The following CERS5 variants were observed in gnomAD, a reference collection of about 807,000 sequenced individuals.
The protein encoded by CERS5 is LAG1 homolog, ceramide synthase 5.
In CERS5, 37 loss-of-function variants were observed where a neutral mutation model predicts 58.9. The ratio of observed to expected loss-of-function variants is 0.63; its 90% CI spans 0.48 to 0.83. The LOEUF (loss-of-function observed/expected upper bound fraction) is 0.83, where lower values mean the gene tolerates loss of function less well. Ranked by LOEUF, CERS5 falls within the 40% of genes least tolerant of loss-of-function variation. The pLI is 0.00. For synonymous variants in CERS5, 147 were observed against 177.8 expected, an observed-to-expected ratio of 0.83 and a Z score of 1.38; for missense variants, 398 against 489.3, an observed-to-expected ratio of 0.81 and a Z score of 1.76.
chr12:50,163,108 A>G (rs1478263139), intron 1 of CERS5, among the ~76,000 whole-genome samples: 1 of 152,192 alleles, frequency 6.6e-6, no homozygotes, highest in African/African-American at 2.4e-5. Flanking sequence ...TATGCTGCCC[A>G]GGCTGATCTC....
At chr12:50,148,762 G>A (rs779587902) in intron 1 of CERS5, among the ~76,000 whole-genome samples, 16 of 151,150 alleles carry the variant, frequency 1.1e-4, no homozygotes, top group Non-Finnish European at 1.9e-4. Flanking sequence ...AAAATTAGCC[G>A]GGCATGGTCG....
At chr12:50,148,550 T>C in intron 1 of CERS5, 1 of 353,004 alleles carries the variant, frequency 2.8e-6, no homozygotes, top group South Asian at 2.0e-5. Context: ...TGAGCTGAGA[T>C]CTCACCACTG....
chr12:50,161,784 G>GAAAAAAAAAAAAAAAAAAAAAAAAAAAAA, intron 1 of CERS5, among the ~76,000 whole-genome samples: 1 of 90,862 alleles, frequency 1.1e-5, no homozygotes, highest in Non-Finnish European at 1.9e-5. Context: ...CTCAAAAAAA[G>GAAAAAAAAAAAAAAAAAAAAAAAAAAAAA]AAAAAAAAAA....
intron 1 of CERS5, among the ~76,000 whole-genome samples, chr12:50,156,299 G>A (rs1453295768): frequency 6.7e-6 from 1 of 148,900 alleles, no homozygotes; most frequent in Non-Finnish European, 1.5e-5. Flanking sequence ...AGCTGCTGGG[G>A]AGGCCAAGGC....
chr12:50,136,359 G>C (rs1012567037), intron 6 of CERS5, among the ~76,000 whole-genome samples: 3 of 152,016 alleles, frequency 2.0e-5, no homozygotes, highest in Non-Finnish European at 4.4e-5. Flanking sequence ...TGTAATCCCA[G>C]CTACTCGGGA....
intron 1 of CERS5, among the ~76,000 whole-genome samples, chr12:50,155,442 T>TA (rs1034070455): frequency 7.6e-4 from 111 of 145,754 alleles, no homozygotes; most frequent in Middle Eastern, 3.5e-3. Context: ...TGAGGGCCAT[T>TA]AAAAAAAAAA....
intron 9 of CERS5, among the ~76,000 whole-genome samples, chr12:50,132,091 C>G (rs1401717655): frequency 7.4e-6 from 1 of 135,226 alleles, no homozygotes; most frequent in Non-Finnish European, 1.6e-5. Context: ...GGCAATGGAG[C>G]AAAACCTTGT....
chr12:50,132,555 G>A (rs1352198667), intron 9 of CERS5, among the ~76,000 whole-genome samples: 1 of 152,150 alleles, frequency 6.6e-6, no homozygotes, highest in Non-Finnish European at 1.5e-5. Context: ...AAGTGAAAAG[G>A]AACACAGCTG....
In CERS5 at chr12:50,148,946, A is replaced by ATGTG. The variant is rs1185465965; in HGVS notation, c.198-4893_198-4890dup. 6.1e-3 allele frequency among the ~76,000 whole-genome samples: 632 copies of ATGTG among 102,926 alleles called. 16 individuals are homozygous for ATGTG. The highest frequency in any genetic ancestry group is 0.022 in the African/African-American group (544 of 24,574). The allele number at this position is 102,926 out of a possible 152,430, so 67.5% of individuals were successfully genotyped here. ...AAAAAAAATATATATATATATATATATGTGTGTGTGTGTGTGTGTGTGTGC... is the reference window on the plus strand; with the variant it reads ...AAAAAAAATATATATATATATATATATGTGTGTGTGTGTGTGTGTGTGTGTGTGC... On this transcript the variant is annotated intron_variant, in intron 1 of 9. Transcript: ENST00000317551.
chr12:50,132,972 T>C (rs1189277553), intron 9 of CERS5: 5 of 1,289,018 alleles, frequency 3.9e-6, no homozygotes. Flanking sequence ...ATGCAAGAGA[T>C]GAAACTGTCC....
intron 6 of CERS5, among the ~76,000 whole-genome samples, chr12:50,137,270 C>T (rs1951739280): frequency 6.6e-6 from 1 of 152,156 alleles, no homozygotes; most frequent in Admixed American, 6.5e-5. Flanking sequence ...TAAACAATAG[C>T]AGGAAGAGAG....
Position 50,143,877 on chromosome 12 carries a change from G to A in CERS5, c.303+75C>T, listed in dbSNP as rs758612668. 3.9e-5 allele frequency: 34 copies of A among 873,358 alleles called. No individual in the cohort carries two copies. The East Asian group carries it at 7.3e-4, about 19-fold the overall frequency. 54.1% of individuals were successfully genotyped at this position (873,358 alleles called of 1,614,324 possible). A position where few individuals can be genotyped will look rare whatever the true frequency, so the allele number is the denominator to read the frequency against. On this transcript the variant is annotated intron_variant, in intron 2 of 9. Transcript: ENST00000317551. ...ATCCTATCCTTACCCTTAGAGGTAC[G>A]TGCTCTCTATCCTCCCCTGCCCCAT...
chr12:50,167,139 C>T lies in CERS5; in HGVS notation c.159G>A (p.Leu53=), dbSNP rs776790801. 5.1e-6 allele frequency: 8 copies of T among 1,582,456 alleles called. No individual in the cohort carries two copies. The highest frequency in any genetic ancestry group is 1.1e-5 in the South Asian group (1 of 88,762). The change falls in exon 1 of 10, where the codon CTG becomes CTA. Residue 53 remains leucine (L), a synonymous_variant. Coordinates refer to ENST00000317551, the MANE Select transcript of CERS5 (RefSeq NM_147190.5). ...GCCTCACGAAGAAGATGCCCGCCGC[C>T]AGCGGGAACACCGAGAGGATGTGCC... The part of the protein sequence containing the change: ...RGRHILSVFP[L]AAGIFFVRLL...
chr12:50,137,614 C>A lies in CERS5; in HGVS notation c.636+114G>T, dbSNP rs145132541. ...ACGACAAGCTAAGAGTCCATCAAACCCAGTTTCTCCTTTTGCAGTCTCAGG... is the reference window on the plus strand; with the variant it reads ...ACGACAAGCTAAGAGTCCATCAAACACAGTTTCTCCTTTTGCAGTCTCAGG... On this transcript the variant is annotated intron_variant, in intron 6 of 9. Coordinates refer to ENST00000317551, the MANE Select transcript of CERS5 (RefSeq NM_147190.5). 240 of 611,184 alleles carry A rather than the reference C, an allele frequency of 3.9e-4. 4 individuals are homozygous for A. The African/African-American group carries it at 4.1e-3, about 10-fold the overall frequency. 37.9% of individuals were successfully genotyped at this position (611,184 alleles called of 1,614,324 possible). A position where few individuals can be genotyped will look rare whatever the true frequency, so the allele number is the denominator to read the frequency against.
chr12:50,158,060 C>CAAA (rs11388385), intron 1 of CERS5, among the ~76,000 whole-genome samples: 60 of 81,326 alleles, frequency 7.4e-4, no homozygotes, highest in African/African-American at 2.0e-3. Context: ...AGACCATGAC[C>CAAA]AAAAAAAAAA....
chr12:50,134,777 T>C (rs1951542334), intron 8 of CERS5, 75 bp from the exon 9 acceptor site: 1 of 1,366,366 alleles, frequency 7.3e-7, no homozygotes, highest in African/African-American at 1.4e-5. Context: ...GTCCTGGGGA[T>C]GCAGAGCCCT....
intron 4 of CERS5, among the ~76,000 whole-genome samples, chr12:50,141,261 A>G (rs921763693): frequency 7.2e-5 from 11 of 152,210 alleles, no homozygotes; most frequent in Middle Eastern, 3.4e-3. Context: ...CATGTTGCCC[A>G]GGTTGGTCTT....
In CERS5 at chr12:50,144,673, G is replaced by T. The variant is rs189882408; in HGVS notation, c.198-616C>A. On this transcript the variant is annotated intron_variant, in intron 1 of 9. Transcript: ENST00000317551. ...TCAGGAGTCGAGAAGAAAGAAATCA[G>T]GAAGCTAGGAAAGGTGAGAAGGAAA... 1.5e-3 allele frequency: 932 copies of T among 639,470 alleles called. 5 individuals carry two copies. Among genetic ancestry groups the T allele is most frequent in the Non-Finnish European group, 1.2e-3 (474 of 386,406 alleles). 39.6% of individuals were successfully genotyped at this position (639,470 alleles called of 1,614,324 possible). A position where few individuals can be genotyped will look rare whatever the true frequency, so the allele number is the denominator to read the frequency against.
rs1309708466 is a variant in CERS5 at position 50,148,924 on chromosome 12, AAAAATATATAT to A, written c.198-4878_198-4868del. On this transcript the variant is annotated intron_variant, in intron 1 of 9. Coordinates refer to ENST00000317551, the MANE Select transcript of CERS5 (RefSeq NM_147190.5). ...CATCTCAAAAAAAAAAAAAAAAAAA[AAAAATATATAT>A]ATATATATATATGTGTGTGTGTGTG... is the stretch of plus-strand genomic sequence containing the variant. 1.3e-4 allele frequency among the ~76,000 whole-genome samples: 11 copies of A among 87,316 alleles called. No homozygotes were observed. In the East Asian group the frequency reaches 3.9e-3, roughly 31 times the overall value. The allele number at this position is 87,316 out of a possible 152,430, so 57.3% of individuals were successfully genotyped here. A position where few individuals can be genotyped will look rare whatever the true frequency, so the allele number is the denominator to read the frequency against.
Sources: gnomAD v4.1 joint callset for allele counts (sites outside exome capture counted in the v4.1 genomes callset) on GRCh38, gnomAD v4.1.1 for gene constraint, MANE v1.5 for transcripts, NCBI Gene and HGNC (gene_info 2026-07-23, HGNC 2026-07-21) for gene names.